The following UBE2E2 variants were observed in gnomAD, a reference collection of about 807,000 sequenced individuals.
The protein encoded by UBE2E2 is ubiquitin conjugating enzyme E2 E2, also known as ubiquitin-conjugating enzyme E2 E2.
A neutral mutation model predicts 24.7 loss-of-function variants in UBE2E2; 6 were observed. That is an observed-to-expected ratio of 0.24 (90% CI 0.13 to 0.48). UBE2E2 has a LOEUF of 0.48. Among genes scored for constraint, UBE2E2 ranks in the 20% least tolerant of loss-of-function variants. The pLI, the probability that UBE2E2 is intolerant of heterozygous loss-of-function variation, is 0.99. For missense variants in UBE2E2, 169 were observed against 245.0 expected, an observed-to-expected ratio of 0.69 and a Z score of 2.07; for synonymous variants, 104 against 83.6, an observed-to-expected ratio of 1.24 and a Z score of -1.33.
At chr3:23,537,243 A>G (rs965517992) in intron 5 of UBE2E2, among the ~76,000 whole-genome samples, 1 of 152,178 alleles carries the variant, frequency 6.6e-6, no homozygotes, top group Non-Finnish European at 1.5e-5. Context: ...AGGGGCTTGC[A>G]TTCGTAAGCA....
intron 3 of UBE2E2, among the ~76,000 whole-genome samples, chr3:23,237,292 T>C (rs922171374): frequency 6.6e-6 from 1 of 152,240 alleles, no homozygotes; most frequent in Non-Finnish European, 1.5e-5. Flanking sequence ...GCATATAATG[T>C]ATTATTCATT....
At chr3:23,490,586 C>T (rs945035347) in intron 3 of UBE2E2, among the ~76,000 whole-genome samples, 4 of 152,048 alleles carry the variant, frequency 2.6e-5, no homozygotes, top group African/African-American at 7.2e-5. Flanking sequence ...TATACACGCA[C>T]GTAACACAAA....
rs1575723745 is a variant in UBE2E2, at chr3:23,583,215, C to T, written c.509-6519C>T. On this transcript the variant is annotated intron_variant, in intron 5 of 5. Coordinates refer to ENST00000396703, the MANE Select transcript of UBE2E2 (RefSeq NM_152653.4). This position sits in a 1 kb window ranked among gnomAD's most constrained non-coding sequence, Gnocchi z 4.1. Reference sequence around the variant, plus strand: ...TTTCCCCATTGCTTATTTTTGTCAGCTTTGTCAAAGATCAGATGGTCGTAA... The same window carrying T: ...TTTCCCCATTGCTTATTTTTGTCAGTTTTGTCAAAGATCAGATGGTCGTAA... Among the ~76,000 whole-genome samples, 1 of 152,020 alleles carries T rather than the reference C, an allele frequency of 6.6e-6. No homozygotes were observed. Among genetic ancestry groups the T allele is most frequent in the African/African-American group, 2.4e-5 (1 of 41,396 alleles).
chr3:23,581,457 T>G (rs1221532781), intron 5 of UBE2E2, among the ~76,000 whole-genome samples: 1 of 152,224 alleles, frequency 6.6e-6, no homozygotes, highest in Non-Finnish European at 1.5e-5. Flanking sequence ...CAGGTATATA[T>G]TCTTAAAAGA....
intron 3 of UBE2E2, among the ~76,000 whole-genome samples, chr3:23,463,600 G>C (rs949526814): frequency 1.3e-5 from 2 of 152,052 alleles, no homozygotes; most frequent in African/African-American, 4.8e-5. Context: ...TGCAAAGAGG[G>C]CCTCAAAGTA....
chr3:23,564,840 G>A (rs565634273), intron 5 of UBE2E2, among the ~76,000 whole-genome samples: 1 of 152,238 alleles, frequency 6.6e-6, no homozygotes, highest in African/African-American at 2.4e-5. Context: ...ATGTTGAAAT[G>A]TATGTTTAAA....
chr3:23,216,587 C>T (rs551109226), intron 2 of UBE2E2, among the ~76,000 whole-genome samples: 10 of 152,122 alleles, frequency 6.6e-5, no homozygotes, highest in East Asian at 1.9e-4. Context: ...AAAACAGTGG[C>T]GCACTTTCAG....
intron 3 of UBE2E2, among the ~76,000 whole-genome samples, chr3:23,426,618 C>T (rs1206840373): frequency 2.6e-5 from 4 of 151,988 alleles, no homozygotes; most frequent in African/African-American, 9.7e-5. Context: ...AAACTTCCAG[C>T]CAAAAATTCC....
intron 3 of UBE2E2, among the ~76,000 whole-genome samples, chr3:23,258,900 G>GA (rs11333992): frequency 0.35 from 27,480 of 79,084 alleles, 4,640 homozygotes; most frequent in Non-Finnish European, 0.37. Context: ...CTCAAAAAAA[G>GA]AAAAAAAAAA....
chr3:23,431,463 G>A (rs1295717259), intron 3 of UBE2E2, among the ~76,000 whole-genome samples: 14 of 151,508 alleles, frequency 9.2e-5, no homozygotes, highest in Admixed American at 9.2e-4. Context: ...TCAGGAAAAT[G>A]CTATGAGTAC....
At chr3:23,285,549 CTT>C (rs1575531917) in intron 3 of UBE2E2, among the ~76,000 whole-genome samples, 1 of 152,200 alleles carries the variant, frequency 6.6e-6, no homozygotes, top group East Asian at 1.9e-4. Flanking sequence ...TATTGCCTGT[CTT>C]TGGATAAAAG....
intron 3 of UBE2E2, among the ~76,000 whole-genome samples, chr3:23,304,459 T>A (rs944733200): frequency 1.4e-4 from 22 of 152,348 alleles, no homozygotes; most frequent in African/African-American, 5.3e-4. Context: ...CTCATGTTAA[T>A]GTAAATATAT....
chr3:23,448,549 G>A (rs968599598), intron 3 of UBE2E2, among the ~76,000 whole-genome samples: 1 of 152,096 alleles, frequency 6.6e-6, no homozygotes, highest in East Asian at 1.9e-4. Flanking sequence ...AGTTCCTGTC[G>A]TGAAAGTATT....
intron 3 of UBE2E2, among the ~76,000 whole-genome samples, chr3:23,458,747 T>A (rs1022035870): frequency 2.6e-5 from 4 of 152,176 alleles, no homozygotes; most frequent in Middle Eastern, 3.4e-3. Context: ...CTCATACTAA[T>A]GAAAAAGTTT....
At chr3:23,464,550 G>A (rs941084242) in intron 3 of UBE2E2, among the ~76,000 whole-genome samples, 5 of 152,116 alleles carry the variant, frequency 3.3e-5, no homozygotes, top group African/African-American at 7.2e-5. Context: ...TTATTTTACT[G>A]TGCTGGAAAA....
At chr3:23,329,200 C>T (rs987859702) in intron 3 of UBE2E2, among the ~76,000 whole-genome samples, 3 of 152,074 alleles carry the variant, frequency 2.0e-5, no homozygotes, top group African/African-American at 7.2e-5. Flanking sequence ...AGGGGAAAGT[C>T]AGTATTTTGA....
chr3:23,449,122 T>C (rs761887614), intron 3 of UBE2E2, among the ~76,000 whole-genome samples: 16 of 152,188 alleles, frequency 1.1e-4, no homozygotes, highest in African/African-American at 2.7e-4. Context: ...GTAACTCTTA[T>C]GGCATTACAG....
chr3:23,371,875 T>C (rs1432687352), intron 3 of UBE2E2, among the ~76,000 whole-genome samples: 1 of 152,140 alleles, frequency 6.6e-6, no homozygotes, highest in Non-Finnish European at 1.5e-5. Flanking sequence ...CCCAGCACTT[T>C]GGGAGGCCAA....
chr3:23,444,255 A>G (rs1575633943), intron 3 of UBE2E2, among the ~76,000 whole-genome samples: 1 of 152,050 alleles, frequency 6.6e-6, no homozygotes, highest in East Asian at 1.9e-4. Flanking sequence ...CAAGTTCTGG[A>G]CATATTTCTT....
Sources: allele counts gnomAD v4.1 joint callset (sites outside exome capture counted in the v4.1 genomes callset), GRCh38; gene constraint gnomAD v4.1.1; non-coding constraint Gnocchi (gnomAD v3.1); transcripts MANE v1.5; gene names NCBI Gene and HGNC (gene_info 2026-07-23, HGNC 2026-07-21).